The following RPS6KA5 variants were observed in gnomAD, a reference collection of about 807,000 sequenced individuals.
RPS6KA5 encodes the protein ribosomal protein S6 kinase alpha-5.
RPS6KA5 carries 27 observed loss-of-function variants against 85.5 expected under a neutral mutation model. The observed-to-expected ratio is 0.32, with a 90% CI of 0.23 to 0.44. The LOEUF (loss-of-function observed/expected upper bound fraction) is 0.44, where lower values mean the gene tolerates loss of function less well. RPS6KA5 is among the 20% of genes least tolerant of loss of function. The probability of loss-of-function intolerance (pLI) is 1.00; values close to 1 mark genes in which losing one functional copy is unlikely to be tolerated. For missense variants in RPS6KA5, 811 were observed against 980.9 expected, an observed-to-expected ratio of 0.83 and a Z score of 2.31; for synonymous variants, 334 against 348.2, an observed-to-expected ratio of 0.96 and a Z score of 0.46.
chr14:90,947,152 C>T (rs1250106251), intron 4 of RPS6KA5, among the ~76,000 whole-genome samples: 2 of 152,132 alleles, frequency 1.3e-5, no homozygotes, highest in South Asian at 2.1e-4. Context: ...CAATTAAAAG[C>T]TTTTATTATA....
At chr14:90,912,044 T>C (rs780593254) in intron 7 of RPS6KA5, among the ~76,000 whole-genome samples, 6 of 152,068 alleles carry the variant, frequency 3.9e-5, no homozygotes, top group Admixed American at 2.6e-4. Flanking sequence ...CCATCATGAA[T>C]GCTTCCCTGA....
intron 3 of RPS6KA5, among the ~76,000 whole-genome samples, chr14:90,951,604 T>G (rs1321145991): frequency 6.6e-6 from 1 of 152,194 alleles, no homozygotes; most frequent in Non-Finnish European, 1.5e-5. Flanking sequence ...AAATGACTCG[T>G]GGTTTAATAA....
Position 90,866,327 on chromosome 14 carries a change from G to A in RPS6KA5, c.*5747C>T, listed in dbSNP as rs1169838946. ...TAAAAAAAAATTAGCTGGGCATGGT[G>A]GCTCATGCCTGTAGTCTACTTAGTC... On this transcript the variant is annotated 3_prime_UTR_variant, in exon 17 of 17. Transcript: ENST00000614987. 1.3e-5 allele frequency: 2 copies of A among 152,194 alleles called. No homozygotes were observed. Among genetic ancestry groups the A allele is most frequent in the Non-Finnish European group, 1.5e-5 (1 of 68,082 alleles). The allele number at this position is 152,194 out of a possible 1,614,324, so 9.4% of individuals were successfully genotyped here. A position where few individuals can be genotyped will look rare whatever the true frequency, so the allele number is the denominator to read the frequency against.
chr14:91,046,482 G>A (rs1407946845), intron 1 of RPS6KA5, among the ~76,000 whole-genome samples: 1 of 152,184 alleles, frequency 6.6e-6, no homozygotes, highest in Non-Finnish European at 1.5e-5. Context: ...CTACCGCTAA[G>A]ACTCTGTTCA....
Position 90,859,704 on chromosome 14 carries a change from A to G in RPS6KA5, c.*12370T>C, listed in dbSNP as rs193070712. On this transcript the variant is annotated 3_prime_UTR_variant, in exon 17 of 17. Coordinates refer to ENST00000614987, the MANE Select transcript of RPS6KA5 (RefSeq NM_004755.4). ...AACATAGTATAACACACAATCCTAG[A>G]AAACGGGAGAGAGAAAACGGATTGG... 4 of 152,362 alleles carry G rather than the reference A, an allele frequency of 2.6e-5. No individual in the cohort carries two copies. Among genetic ancestry groups the G allele is most frequent in the Non-Finnish European group, 4.4e-5 (3 of 68,046 alleles). 9.4% of individuals were successfully genotyped at this position (152,362 alleles called of 1,614,324 possible). A position where few individuals can be genotyped will look rare whatever the true frequency, so the allele number is the denominator to read the frequency against.
At position 90,852,121 on chromosome 14, in the gene RPS6KA5, GCT is replaced by G. The variant is rs1240410790; in HGVS notation, c.*19951_*19952del. The G allele has an allele frequency of 1.8e-5, 2 of 110,780 alleles. No individual in the cohort carries two copies. The highest frequency in any genetic ancestry group is 5.6e-4 in the East Asian group (2 of 3,586). 6.9% of individuals were successfully genotyped at this position (110,780 alleles called of 1,614,324 possible). On this transcript the variant is annotated 3_prime_UTR_variant, in exon 17 of 17. Coordinates refer to ENST00000614987, the MANE Select transcript of RPS6KA5 (RefSeq NM_004755.4). ...TTTTTTTTTTTTAAGACGGAGTCTC[GCT>G]CTGTCGCCCAGGCTGGAGTGCAGTG...
chr14:90,891,646 T>C (rs1193368404), intron 13 of RPS6KA5, among the ~76,000 whole-genome samples: 1 of 152,162 alleles, frequency 6.6e-6, no homozygotes, highest in Non-Finnish European at 1.5e-5. Context: ...ACATTATAGA[T>C]GGTATCACTG....
intron 2 of RPS6KA5, among the ~76,000 whole-genome samples, chr14:90,989,749 A>G (rs1874816635): frequency 6.6e-6 from 1 of 152,232 alleles, no homozygotes; most frequent in African/African-American, 2.4e-5. Context: ...AAGATGAGCC[A>G]AAGATATTTC....
intron 1 of RPS6KA5, among the ~76,000 whole-genome samples, chr14:91,042,362 A>G (rs776320445): frequency 8.5e-5 from 13 of 152,108 alleles, no homozygotes; most frequent in Admixed American, 2.0e-4. Flanking sequence ...ACAAAAAAAA[A>G]TTAGCTGGGC....
At chr14:90,994,302 A>T (rs1170854007) in intron 2 of RPS6KA5, among the ~76,000 whole-genome samples, 1 of 152,034 alleles carries the variant, frequency 6.6e-6, no homozygotes, top group Non-Finnish European at 1.5e-5. Context: ...CTCATCTACC[A>T]GTAAAGCATC....
intron 1 of RPS6KA5, among the ~76,000 whole-genome samples, chr14:91,021,871 C>T (rs1185813733): frequency 6.6e-6 from 1 of 152,090 alleles, no homozygotes; most frequent in East Asian, 1.9e-4. Flanking sequence ...TACAAGTAGC[C>T]TTGATTCCTT....
chr14:91,025,914 A>C (rs967380921), intron 1 of RPS6KA5, among the ~76,000 whole-genome samples: 1 of 151,964 alleles, frequency 6.6e-6, no homozygotes, highest in African/African-American at 2.4e-5. Flanking sequence ...TAATGCTGAG[A>C]TGTGGCGTAC....
Position 90,862,683 on chromosome 14 carries a change from C to CTTG in RPS6KA5, c.*9390_*9391insCAA, listed in dbSNP as rs2032619753. On this transcript the variant is annotated 3_prime_UTR_variant, in exon 17 of 17. Transcript: ENST00000614987. ...CTCTCTATGTTGCCCAGGCTGGTCT[C>CTTG]CAACTCCTGGGCTAAAGCAATCCTT... The CTTG allele has an allele frequency of 6.6e-6, 1 of 152,218 alleles. No individual in the cohort carries two copies. Among genetic ancestry groups the CTTG allele is most frequent in the African/African-American group, 2.4e-5 (1 of 41,430 alleles). 9.4% of individuals were successfully genotyped at this position (152,218 alleles called of 1,614,324 possible).
At chr14:90,887,492 G>A (rs1313248561) in intron 14 of RPS6KA5, among the ~76,000 whole-genome samples, 1 of 151,920 alleles carries the variant, frequency 6.6e-6, no homozygotes, top group Non-Finnish European at 1.5e-5. Flanking sequence ...TAAAAGGCAA[G>A]CACCTTTAAA....
chr14:90,902,975 A>C lies in RPS6KA5; in HGVS notation c.958-6T>G, dbSNP rs2035265064. 1 of 1,608,140 alleles carries C rather than the reference A, an allele frequency of 6.2e-7. No homozygotes were observed. On this transcript the variant is annotated splice_polypyrimidine_tract_variant and splice_region_variant and intron_variant, in intron 8 of 16. Coordinates refer to ENST00000614987, the MANE Select transcript of RPS6KA5 (RefSeq NM_004755.4). Reference sequence around the variant, plus strand: ...AAATCATCCCAATTTATTTTCTAAAACAAAGAAAGTTGGTACAAAGTAGAA... The same window carrying C: ...AAATCATCCCAATTTATTTTCTAAACCAAAGAAAGTTGGTACAAAGTAGAA...
At chr14:90,951,012 C>T (rs539035416) in intron 3 of RPS6KA5, among the ~76,000 whole-genome samples, 12 of 148,508 alleles carry the variant, frequency 8.1e-5, no homozygotes, top group African/African-American at 3.0e-4. Flanking sequence ...CCCAGCTACT[C>T]GGGAGGCTGA....
chr14:90,914,309 GTTTTTT>G (rs10658805), intron 7 of RPS6KA5, among the ~76,000 whole-genome samples: 3 of 81,520 alleles, frequency 3.7e-5, no homozygotes, highest in South Asian at 5.3e-4. Flanking sequence ...GATCCCTAGG[GTTTTTT>G]TTTTTTTTTT....
chr14:90,880,820 T>C (rs1403000609), intron 14 of RPS6KA5, among the ~76,000 whole-genome samples: 1 of 151,820 alleles, frequency 6.6e-6, no homozygotes, highest in African/African-American at 2.4e-5. Context: ...ACCCTCTTTG[T>C]CTTTTGTAAA....
chr14:90,925,337 G>T (rs2036600322), intron 5 of RPS6KA5, among the ~76,000 whole-genome samples: 1 of 152,174 alleles, frequency 6.6e-6, no homozygotes, highest in Admixed American at 6.5e-5. Context: ...ACCAAAGAAA[G>T]CTAAACCTCA....
Sources: gnomAD v4.1 joint callset for allele counts (sites outside exome capture counted in the v4.1 genomes callset) on GRCh38, gnomAD v4.1.1 for gene constraint, MANE v1.5 for transcripts, NCBI Gene and HGNC (gene_info 2026-07-23, HGNC 2026-07-21) for gene names.